Variants in LHFPL3 observed in about 807,000 individuals in gnomAD.
The protein encoded by LHFPL3 is LHFPL tetraspan subfamily member 3 protein.
LHFPL3 carries 5 observed loss-of-function variants against 19.3 expected under a neutral mutation model. That is an observed-to-expected ratio of 0.26 (90% CI 0.14 to 0.54). The LOEUF (loss-of-function observed/expected upper bound fraction) is 0.54, where lower values mean the gene tolerates loss of function less well. Among genes scored for constraint, LHFPL3 ranks in the 20% least tolerant of loss-of-function variants. The pLI is 0.94. For missense variants in LHFPL3, 249 were observed against 307.4 expected, an observed-to-expected ratio of 0.81 and a Z score of 1.42; for synonymous variants, 133 against 126.2, an observed-to-expected ratio of 1.05 and a Z score of -0.36.
chr7:104,538,268 T>C (rs562800659), intron 1 of LHFPL3, among the ~76,000 whole-genome samples: 2 of 152,324 alleles, frequency 1.3e-5, no homozygotes, highest in South Asian at 2.1e-4. Context: ...GTCCTTAGAT[T>C]AAAGCTCAGG....
At chr7:104,807,011 A>ATATGTGTGTGTGTGTG (rs1377044318) in intron 2 of LHFPL3, among the ~76,000 whole-genome samples, 34 of 139,766 alleles carry the variant, frequency 2.4e-4, no homozygotes, top group South Asian at 7.5e-4. Context: ...CAAAATATAT[A>ATATGTGTGTGTGTGTG]TGTGTGTGTG....
intron 1 of LHFPL3, among the ~76,000 whole-genome samples, chr7:104,548,736 T>C (rs1794615659): frequency 6.6e-6 from 1 of 152,144 alleles, no homozygotes; most frequent in African/African-American, 2.4e-5. Flanking sequence ...ACCTCCCCTT[T>C]CTGTATCTTT....
chr7:104,817,305 C>T (rs1175068437), intron 2 of LHFPL3, among the ~76,000 whole-genome samples: 1 of 152,102 alleles, frequency 6.6e-6, no homozygotes, highest in East Asian at 1.9e-4. Context: ...AGATTTTTTT[C>T]AACCTCACCC....
At chr7:104,738,101 A>G (rs1793863540) in intron 2 of LHFPL3, among the ~76,000 whole-genome samples, 1 of 152,200 alleles carries the variant, frequency 6.6e-6, no homozygotes. Context: ...ATTTATAGAC[A>G]GAACACATAT....
chr7:104,344,490 C>T (rs1314952165), intron 1 of LHFPL3, among the ~76,000 whole-genome samples: 2 of 152,300 alleles, frequency 1.3e-5, no homozygotes, highest in East Asian at 3.9e-4. Context: ...CCTTAGCTCC[C>T]ACTTAAAAGT....
intron 1 of LHFPL3, among the ~76,000 whole-genome samples, chr7:104,710,459 C>T (rs899093294): frequency 1.3e-4 from 20 of 152,074 alleles, no homozygotes; most frequent in Non-Finnish European, 2.2e-4. Context: ...AATCCACTCC[C>T]GGTTGGATAT....
At chr7:104,579,895 A>G (rs1264651419) in intron 1 of LHFPL3, among the ~76,000 whole-genome samples, 1 of 152,148 alleles carries the variant, frequency 6.6e-6, no homozygotes, top group Non-Finnish European at 1.5e-5. Flanking sequence ...GCTTGCTCCC[A>G]TGGCATGTTA....
intron 1 of LHFPL3, among the ~76,000 whole-genome samples, chr7:104,592,094 C>T (rs1394705830): frequency 1.3e-5 from 2 of 151,928 alleles, no homozygotes; most frequent in Non-Finnish European, 1.5e-5. Context: ...TTTGTTATTA[C>T]TGATCGTCTA....
At chr7:104,453,720 A>C (rs553012495) in intron 1 of LHFPL3, among the ~76,000 whole-genome samples, 2 of 152,222 alleles carry the variant, frequency 1.3e-5, no homozygotes, top group East Asian at 3.9e-4. Flanking sequence ...CGGGTCCCTC[A>C]TGAATGGCTT....
At chr7:104,668,441 C>T (rs1258473456) in intron 1 of LHFPL3, 2 of 1,608,930 alleles carry the variant, frequency 1.2e-6, no homozygotes, top group African/African-American at 2.7e-5. Flanking sequence ...ATGATTCAGA[C>T]CGGTATCGGG....
At chr7:104,370,547 A>C (rs928180600) in intron 1 of LHFPL3, among the ~76,000 whole-genome samples, 1 of 152,182 alleles carries the variant, frequency 6.6e-6, no homozygotes, top group Non-Finnish European at 1.5e-5. Context: ...ACAATAGTTT[A>C]ATAACGTGCA....
intron 1 of LHFPL3, among the ~76,000 whole-genome samples, chr7:104,683,001 T>C (rs1562964943): frequency 6.6e-6 from 1 of 152,234 alleles, no homozygotes; most frequent in Non-Finnish European, 1.5e-5. Flanking sequence ...TACTATTTTT[T>C]TTCCTTGAGA....
intron 1 of LHFPL3, among the ~76,000 whole-genome samples, chr7:104,708,879 C>G (rs377296292): frequency 6.6e-6 from 1 of 152,060 alleles, no homozygotes; most frequent in African/African-American, 2.4e-5. Flanking sequence ...CTCTCAAGTC[C>G]CTTGAGAGAA....
At chr7:104,668,455 G>C (rs1554422364) in intron 1 of LHFPL3, 17 of 1,611,246 alleles carry the variant, frequency 1.1e-5, no homozygotes, top group Non-Finnish European at 9.3e-6. Context: ...TATCGGGATG[G>C]GTATCGGGAT....
rs74567167 is a variant in LHFPL3 at position 104,661,241 on chromosome 7, G to A, written c.446-75434G>A. Among the ~76,000 whole-genome samples, 508 of 152,284 alleles carry A rather than the reference G, an allele frequency of 3.3e-3. 3 individuals carry two copies. The highest frequency in any genetic ancestry group is 0.011 in the African/African-American group (454 of 41,560). On this transcript the variant is annotated intron_variant, in intron 1 of 2. Transcript: ENST00000424859. ...GATGTAAACTACACACAGAAACCTC[G>A]TTGATCTTCAGAAGTGTCACTGCAT... is the stretch of plus-strand genomic sequence containing the variant.
chr7:104,510,464 G>A (rs1793788244), intron 1 of LHFPL3, among the ~76,000 whole-genome samples: 1 of 152,198 alleles, frequency 6.6e-6, no homozygotes, highest in Middle Eastern at 3.4e-3. Flanking sequence ...TTCAACAAAT[G>A]GTACTGGAGC....
intron 1 of LHFPL3, among the ~76,000 whole-genome samples, chr7:104,656,125 A>T (rs1296901400): frequency 2.6e-5 from 4 of 152,056 alleles, no homozygotes; most frequent in East Asian, 3.9e-4. Flanking sequence ...CTAATTTTTT[A>T]AAAAATTTTT....
chr7:104,885,702 A>T (rs745599569), intron 2 of LHFPL3, among the ~76,000 whole-genome samples: 1 of 151,884 alleles, frequency 6.6e-6, no homozygotes, highest in Non-Finnish European at 1.5e-5. Context: ...CTCTGCTTCA[A>T]CTCTTACCCC....
At chr7:104,430,454 A>ATTTTT (rs1172420054) in intron 1 of LHFPL3, among the ~76,000 whole-genome samples, 6 of 15,278 alleles carry the variant, frequency 3.9e-4, no homozygotes, top group African/African-American at 5.3e-4. Context: ...ATATATATAT[A>ATTTTT]TTTTTTTTTT....
Sources: allele counts gnomAD v4.1 joint callset (sites outside exome capture counted in the v4.1 genomes callset), GRCh38; gene constraint gnomAD v4.1.1; transcripts MANE v1.5; gene names NCBI Gene and HGNC (gene_info 2026-07-23, HGNC 2026-07-21).